Variants in ANKRD36C observed in about 807,000 individuals in gnomAD.
ANKRD36C encodes the protein ankyrin repeat domain 36C.
A neutral mutation model predicts 276.4 loss-of-function variants in ANKRD36C; 61 were observed. That is an observed-to-expected ratio of 0.22 (90% CI 0.18 to 0.27). The LOEUF (loss-of-function observed/expected upper bound fraction) is 0.27, where lower values mean the gene tolerates loss of function less well. Among genes scored for constraint, ANKRD36C ranks in the 10% least tolerant of loss-of-function variants. The pLI is 1.00. For synonymous variants in ANKRD36C, 483 were observed against 680.1 expected (o/e 0.71, Z 4.51); for missense variants, 1,447 against 2,032.3 (o/e 0.71, Z 5.54).
Position 95,912,461 on chromosome 2 carries a change from C to G in ANKRD36C, c.2552-26G>C, listed in dbSNP as rs188038604. 15 of 1,604,674 alleles carry G rather than the reference C, an allele frequency of 9.3e-6. No individual in the cohort carries two copies. The East Asian group carries it at 2.7e-4, about 29-fold the overall frequency. ...CTGAAAAGCAAAAGGGATACATAAT[C>G]ACTCACACGTAAATATGATAAAGTT... On this transcript the variant is annotated intron_variant, in intron 40 of 66. Coordinates refer to ENST00000456556, the Ensembl canonical transcript of ANKRD36C.
At chr2:95,961,180 A>G (rs1678450008) in intron 8 of ANKRD36C, among the ~76,000 whole-genome samples, 1 of 152,142 alleles carries the variant, frequency 6.6e-6, no homozygotes, top group South Asian at 2.1e-4. Context: ...GCTCTGTGGA[A>G]GTGTCCCGAA....
chr2:95,901,907 A>G (rs1307090070), intron 42 of ANKRD36C, among the ~76,000 whole-genome samples: 1 of 148,892 alleles, frequency 6.7e-6, no homozygotes, highest in African/African-American at 2.5e-5. Flanking sequence ...AAATATCATC[A>G]ATTATCAACT....
chr2:95,915,130 C>A (rs1018864367), intron 38 of ANKRD36C, among the ~76,000 whole-genome samples: 1 of 151,518 alleles, frequency 6.6e-6, no homozygotes, highest in African/African-American at 2.4e-5. Flanking sequence ...AATTAGAATG[C>A]AACATAATTT....
intron 60 of ANKRD36C, among the ~76,000 whole-genome samples, chr2:95,862,957 A>G (rs1675616757): frequency 1.3e-5 from 2 of 151,728 alleles, no homozygotes; most frequent in Non-Finnish European, 2.9e-5. Flanking sequence ...TGCTGAACCC[A>G]CAACTGCGAG....
intron 34 of ANKRD36C, among the ~76,000 whole-genome samples, chr2:95,920,217 G>C (rs1677226638): frequency 7.5e-6 from 1 of 132,828 alleles, no homozygotes; most frequent in Non-Finnish European, 1.7e-5. Flanking sequence ...AGGACAAACT[G>C]ATCTAAAATC....
rs1438673331 is a variant in ANKRD36C at position 95,921,199 on chromosome 2, A to G, written c.2245+408T>C. 3.3e-5 allele frequency among the ~76,000 whole-genome samples: 5 copies of G among 150,628 alleles called. 1 individual carries two copies. The highest frequency in any genetic ancestry group is 9.9e-5 in the African/African-American group (4 of 40,410). ...CCTTAGTTCTCATTCTACAGTGTCT[A>G]TGGGTTATTACTATCAGTTTTCTGT... On this transcript the variant is annotated intron_variant, in intron 34 of 66. Coordinates refer to ENST00000456556, the Ensembl canonical transcript of ANKRD36C.
chr2:95,946,147 C>T (rs1016373152), intron 17 of ANKRD36C, among the ~76,000 whole-genome samples: 1 of 71,336 alleles, frequency 1.4e-5, no homozygotes, highest in Non-Finnish European at 2.5e-5. Flanking sequence ...GAGAGAGAGA[C>T]AGAGAGAGGA....
chr2:95,941,978 A>G (rs567791193), intron 19 of ANKRD36C, among the ~76,000 whole-genome samples: 4 of 152,422 alleles, frequency 2.6e-5, no homozygotes, highest in African/African-American at 4.8e-5. Flanking sequence ...TTCTGCTTCA[A>G]TGTTTCATTG....
At chr2:95,955,831 G>C (rs547025033) in intron 13 of ANKRD36C, among the ~76,000 whole-genome samples, 1 of 152,228 alleles carries the variant, frequency 6.6e-6, no homozygotes, top group African/African-American at 2.4e-5. Context: ...AGCACTAGAG[G>C]ATACTTTGTT....
intron 10 of ANKRD36C, 103 bp downstream of exon 10, chr2:95,960,370 C>T: frequency 7.2e-7 from 1 of 1,379,480 alleles, no homozygotes. Flanking sequence ...CCCGCTGAAT[C>T]AGAATGTGCA....
At chr2:95,926,636 T>C (rs1259247184) in intron 28 of ANKRD36C, among the ~76,000 whole-genome samples, 1 of 151,612 alleles carries the variant, frequency 6.6e-6, no homozygotes. Flanking sequence ...CACTGTTTCC[T>C]AAAGCAGCCA....
At chr2:95,960,039 T>C (rs1678419794) in intron 10 of ANKRD36C, among the ~76,000 whole-genome samples, 1 of 152,070 alleles carries the variant, frequency 6.6e-6, no homozygotes, top group Admixed American at 6.6e-5. Flanking sequence ...AATTACAACA[T>C]CAGTGGTCTT....
intron 4 of ANKRD36C, 70 bp downstream of exon 4, chr2:95,982,186 T>A: frequency 8.1e-7 from 1 of 1,232,138 alleles, no homozygotes; most frequent in Non-Finnish European, 1.1e-6. Flanking sequence ...ATTTGTGACT[T>A]CAGTGACCGC....
chr2:95,875,006 CA>C (rs1469575061), intron 59 of ANKRD36C, among the ~76,000 whole-genome samples: 3 of 152,130 alleles, frequency 2.0e-5, no homozygotes, highest in Non-Finnish European at 4.4e-5. Flanking sequence ...GTTAGGATGG[CA>C]ATCATTAAAA....
chr2:95,940,124 T>C (rs1677834285), intron 20 of ANKRD36C, among the ~76,000 whole-genome samples: 1 of 152,284 alleles, frequency 6.6e-6, no homozygotes, highest in South Asian at 2.1e-4. Context: ...GTTCAAGTGA[T>C]TCTCCTGCCT....
chr2:95,893,268 G>C (rs949092152), intron 44 of ANKRD36C, among the ~76,000 whole-genome samples: 1 of 151,116 alleles, frequency 6.6e-6, no homozygotes, highest in African/African-American at 2.4e-5. Flanking sequence ...AAACTATGCT[G>C]TTCCCCAGAG....
chr2:95,927,443 T>C (rs761062889), intron 26 of ANKRD36C, 34 bp from the exon 27 acceptor site: 1 of 1,604,776 alleles, frequency 6.2e-7, no homozygotes, highest in South Asian at 1.1e-5. Context: ...ATCACTCACA[T>C]GTACATATGA....
chr2:95,925,135 C>T (rs1415068249), intron 30 of ANKRD36C, among the ~76,000 whole-genome samples: 1 of 151,518 alleles, frequency 6.6e-6, no homozygotes, highest in Non-Finnish European at 1.5e-5. Context: ...GTTCTTCCAT[C>T]CAAATTCAAT....
chr2:95,851,829 G>A lies in ANKRD36C; in HGVS notation c.5220-42C>T, dbSNP rs1337593707. On this transcript the variant is annotated intron_variant, in intron 65 of 66. Coordinates refer to ENST00000456556, the Ensembl canonical transcript of ANKRD36C. ...AAAATAATTACTCTCACACATAATT[G>A]TTTTTAAATCATGTAAATTCTAAAC... 3.3e-6 allele frequency: 5 copies of A among 1,502,478 alleles called. No homozygotes were observed. In the Admixed American group the frequency reaches 1.1e-4, roughly 32 times the overall value. 93.1% of individuals were successfully genotyped at this position (1,502,478 alleles called of 1,614,324 possible). A position where few individuals can be genotyped will look rare whatever the true frequency, so the allele number is the denominator to read the frequency against.
Sources: gnomAD v4.1 joint callset for allele counts (sites outside exome capture counted in the v4.1 genomes callset) on GRCh38, gnomAD v4.1.1 for gene constraint, MANE v1.5 for transcripts, NCBI Gene and HGNC (gene_info 2026-07-23, HGNC 2026-07-21) for gene names.